Variants in CNTN5 observed in about 807,000 individuals in gnomAD.
CNTN5 encodes the protein contactin 5, also known as contactin-5.
CNTN5 carries 77 observed loss-of-function variants against 129.1 expected under a neutral mutation model. That is an observed-to-expected ratio of 0.60 (90% CI 0.50 to 0.72). The LOEUF is 0.72. Among genes scored for constraint, CNTN5 ranks in the 30% least tolerant of loss-of-function variants. The pLI, the probability that CNTN5 is intolerant of heterozygous loss-of-function variation, is 0.00. For synonymous variants in CNTN5, 509 were observed against 465.6 expected, an observed-to-expected ratio of 1.09 and a Z score of -1.20; for missense variants, 1,478 against 1,328.8, an observed-to-expected ratio of 1.11 and a Z score of -1.75.
Position 99,553,536 on chromosome 11 carries a change from T to G in CNTN5, c.-70-2609T>G, listed in dbSNP as rs539623560. Among the ~76,000 whole-genome samples the G allele has an allele frequency of 2.6e-5, 4 of 152,188 alleles. No homozygotes were observed. The South Asian group carries it at 8.3e-4, about 32-fold the overall frequency. On this transcript the variant is annotated intron_variant, in intron 2 of 24. Coordinates refer to ENST00000524871, the MANE Select transcript of CNTN5 (RefSeq NM_014361.4). ...AAATATTATTTCATTTACTTTTTAT[T>G]TTACTCAGAAGAGTTATTTTACTTA...
intron 3 of CNTN5, among the ~76,000 whole-genome samples, chr11:99,789,853 G>T (rs189303967): frequency 6.6e-6 from 1 of 151,874 alleles, no homozygotes; most frequent in Admixed American, 6.6e-5. Flanking sequence ...TGAGGTTTAT[G>T]GTACAATTGA....
At chr11:100,131,643 T>C (rs985311627) in intron 13 of CNTN5, among the ~76,000 whole-genome samples, 1 of 150,714 alleles carries the variant, frequency 6.6e-6, no homozygotes. Flanking sequence ...AAAATGGAAA[T>C]AAAAAAAAGG....
intron 3 of CNTN5, among the ~76,000 whole-genome samples, chr11:99,726,388 T>G (rs1050131629): frequency 4.6e-5 from 7 of 152,228 alleles, no homozygotes; most frequent in South Asian, 2.1e-4. Context: ...CTTTATCTTT[T>G]TTTGTTTAGA....
At chr11:100,256,772 G>A (rs1247084366) in intron 17 of CNTN5, among the ~76,000 whole-genome samples, 1 of 152,040 alleles carries the variant, frequency 6.6e-6, no homozygotes, top group Non-Finnish European at 1.5e-5. Flanking sequence ...CACCAGCCCA[G>A]ATACTACACT....
At chr11:100,195,994 C>G (rs7927762) in intron 15 of CNTN5, among the ~76,000 whole-genome samples, 1 of 151,894 alleles carries the variant, frequency 6.6e-6, no homozygotes, top group Non-Finnish European at 1.5e-5. Flanking sequence ...AGACCAAGGA[C>G]AGACTGTGGG....
intron 3 of CNTN5, among the ~76,000 whole-genome samples, chr11:99,807,660 A>G (rs1052905571): frequency 2.6e-5 from 4 of 152,080 alleles, no homozygotes; most frequent in Non-Finnish European, 4.4e-5. Flanking sequence ...TATTACAGGC[A>G]TGCACTACCA....
At chr11:99,539,924 A>G (rs1948039389) in intron 2 of CNTN5, among the ~76,000 whole-genome samples, 1 of 152,094 alleles carries the variant, frequency 6.6e-6, no homozygotes, top group African/African-American at 2.4e-5. Flanking sequence ...CATTTTTGTC[A>G]TGTATTTTAA....
chr11:100,253,939 A>G (rs1336278165), intron 16 of CNTN5, among the ~76,000 whole-genome samples: 1 of 152,076 alleles, frequency 6.6e-6, no homozygotes, highest in East Asian at 1.9e-4. Context: ...TTTTCCTCCC[A>G]TAACAATCCA....
chr11:99,406,846 C>T (rs1369493113), intron 2 of CNTN5, among the ~76,000 whole-genome samples: 1 of 152,166 alleles, frequency 6.6e-6, no homozygotes, highest in Non-Finnish European at 1.5e-5. Context: ...ACATCAGACT[C>T]ATCGGGAGTA....
At chr11:99,060,427 C>A (rs527284967) in intron 1 of CNTN5, among the ~76,000 whole-genome samples, 1 of 152,026 alleles carries the variant, frequency 6.6e-6, no homozygotes, top group Non-Finnish European at 1.5e-5. Flanking sequence ...AGAAAGTCCA[C>A]AAATTGCAGA....
At chr11:99,774,005 T>A (rs1361761043) in intron 3 of CNTN5, among the ~76,000 whole-genome samples, 2 of 152,146 alleles carry the variant, frequency 1.3e-5, no homozygotes, top group Non-Finnish European at 2.9e-5. Flanking sequence ...GTTCCATTCA[T>A]CTCTCAAAAC....
chr11:99,260,457 A>G (rs1862575408), intron 1 of CNTN5, among the ~76,000 whole-genome samples: 1 of 151,852 alleles, frequency 6.6e-6, no homozygotes, highest in African/African-American at 2.4e-5. Context: ...GGTAAAGTCA[A>G]TATTATGATA....
chr11:99,962,284 A>G (rs1285209461), intron 8 of CNTN5, among the ~76,000 whole-genome samples: 1 of 150,622 alleles, frequency 6.6e-6, no homozygotes, highest in Non-Finnish European at 1.5e-5. Context: ...CATTAGGTAT[A>G]TCTCCTAATG....
intron 9 of CNTN5, among the ~76,000 whole-genome samples, chr11:100,029,844 A>G (rs1415372037): frequency 6.6e-6 from 1 of 152,186 alleles, no homozygotes; most frequent in Non-Finnish European, 1.5e-5. Flanking sequence ...CTCTCATTCT[A>G]TCTTTACACC....
At chr11:100,056,762 A>T (rs1943244943) in intron 9 of CNTN5, among the ~76,000 whole-genome samples, 3 of 151,628 alleles carry the variant, frequency 2.0e-5, no homozygotes, top group Admixed American at 2.0e-4. Flanking sequence ...GGGAGGAGTG[A>T]GCAGACTCCA....
intron 3 of CNTN5, among the ~76,000 whole-genome samples, chr11:99,792,110 CTT>C (rs1945765378): frequency 6.6e-6 from 1 of 152,016 alleles, no homozygotes; most frequent in Admixed American, 6.6e-5. Flanking sequence ...TGCCTGTTTG[CTT>C]TGGCCAGGAT....
At chr11:99,040,607 G>GA (rs1326989899) in intron 1 of CNTN5, among the ~76,000 whole-genome samples, 3 of 152,022 alleles carry the variant, frequency 2.0e-5, no homozygotes, top group African/African-American at 7.2e-5. Context: ...AAGTAAAAGT[G>GA]AAAAAATGAG....
intron 3 of CNTN5, among the ~76,000 whole-genome samples, chr11:99,736,005 TTTTC>T (rs1414896675): frequency 4.7e-5 from 7 of 148,570 alleles, no homozygotes; most frequent in African/African-American, 1.5e-4. Flanking sequence ...CTTGATTTCT[TTTTC>T]TTTCTCTTTT....
chr11:99,286,040 G>GT (rs1555101325), intron 1 of CNTN5, among the ~76,000 whole-genome samples: 1 of 93,022 alleles, frequency 1.1e-5, no homozygotes, highest in East Asian at 4.2e-4. Context: ...TCCATCTGGA[G>GT]AAAAAAAAAA....
Sources: allele counts gnomAD v4.1 joint callset (sites outside exome capture counted in the v4.1 genomes callset), GRCh38; gene constraint gnomAD v4.1.1; transcripts MANE v1.5; gene names NCBI Gene and HGNC (gene_info 2026-07-23, HGNC 2026-07-21).